The following ACCSL variants were observed in gnomAD, a reference collection of about 807,000 sequenced individuals.
ACCSL encodes the protein 1-aminocyclopropane-1-carboxylate synthase homolog (inactive) like.
In ACCSL, 55 loss-of-function variants were observed where a neutral mutation model predicts 61.7. That is an observed-to-expected ratio of 0.89 (90% CI 0.72 to 1.12). ACCSL has a LOEUF of 1.12. Ranked by LOEUF, ACCSL falls within the 50% of genes most tolerant of loss-of-function variation. The pLI, the probability that ACCSL is intolerant of heterozygous loss-of-function variation, is 0.00. For synonymous variants in ACCSL, 258 were observed against 264.3 expected (o/e 0.98, Z 0.23); for missense variants, 632 against 698.0 (o/e 0.91, Z 1.07).
chr11:44,026,578 C>T, the ACCSL span, among the ~76,000 whole-genome samples: 9 of 152,096 alleles, frequency 5.9e-5, no homozygotes, highest in Admixed American at 5.9e-4. Context: ...TATGTATAGG[C>T]CATACTTTCC....
the ACCSL span, among the ~76,000 whole-genome samples, chr11:44,012,954 G>T: frequency 6.6e-6 from 1 of 152,118 alleles, no homozygotes; most frequent in Non-Finnish European, 1.5e-5. Flanking sequence ...AGAATAATCT[G>T]GTCCTAAATA....
At chr11:44,055,672 C>A (rs948142112) in intron 9 of ACCSL, among the ~76,000 whole-genome samples, 15 of 152,206 alleles carry the variant, frequency 9.9e-5, no homozygotes, top group African/African-American at 3.6e-4. Context: ...AAATGCCTGG[C>A]AGAAGGAATA....
chr11:43,985,548 C>T, the ACCSL span, among the ~76,000 whole-genome samples: 1 of 152,200 alleles, frequency 6.6e-6, no homozygotes, highest in African/African-American at 2.4e-5. Flanking sequence ...CCCCTCTGCC[C>T]TGCCCACCAG....
At chr11:43,957,554 C>G in the ACCSL span, among the ~76,000 whole-genome samples, 52 of 152,216 alleles carry the variant, frequency 3.4e-4, 1 homozygote, top group Non-Finnish European at 6.0e-4. Context: ...TGGAAAAGAC[C>G]TAGGAAGGGA....
the ACCSL span, among the ~76,000 whole-genome samples, chr11:43,929,877 C>G: frequency 6.6e-6 from 1 of 152,116 alleles, no homozygotes. Context: ...GTCTTACAGC[C>G]ATGGAGCAAC....
the ACCSL span, among the ~76,000 whole-genome samples, chr11:44,008,079 T>C: frequency 6.6e-6 from 1 of 152,174 alleles, no homozygotes; most frequent in Non-Finnish European, 1.5e-5. Context: ...ATATCCAGGC[T>C]TCTGTGTCAT....
the ACCSL span, chr11:43,926,396 A>G: frequency 2.7e-6 from 1 of 376,322 alleles, no homozygotes; most frequent in Non-Finnish European, 5.3e-6. Context: ...GCTCAGATGC[A>G]CCCCCACAGG....
chr11:43,970,959 A>G, the ACCSL span, among the ~76,000 whole-genome samples: 2 of 152,228 alleles, frequency 1.3e-5, no homozygotes, highest in African/African-American at 4.8e-5. Flanking sequence ...ACCCTTCTAT[A>G]GAAAGCTGCA....
chr11:44,034,368 C>T, the ACCSL span, among the ~76,000 whole-genome samples: 1 of 152,158 alleles, frequency 6.6e-6, no homozygotes, highest in Non-Finnish European at 1.5e-5. Flanking sequence ...CCAGGAAACC[C>T]CGATGAAGAC....
At chr11:44,023,131 A>G in the ACCSL span, among the ~76,000 whole-genome samples, 1 of 140,516 alleles carries the variant, frequency 7.1e-6, no homozygotes, top group African/African-American at 2.7e-5. Flanking sequence ...ACTGCAGCTC[A>G]CTGCAGACTT....
At chr11:43,964,071 T>A in the ACCSL span, among the ~76,000 whole-genome samples, 1 of 150,574 alleles carries the variant, frequency 6.6e-6, no homozygotes, top group Non-Finnish European at 1.5e-5. Context: ...CTGAAAATAT[T>A]AAAAAAAAAA....
At chr11:44,025,483 A>G in the ACCSL span, among the ~76,000 whole-genome samples, 95 of 152,164 alleles carry the variant, frequency 6.2e-4, no homozygotes, top group Non-Finnish European at 1.0e-3. Context: ...CCTTTCTACT[A>G]TTGTTGGCAT....
At chr11:43,953,994 C>T in the ACCSL span, among the ~76,000 whole-genome samples, 1 of 152,064 alleles carries the variant, frequency 6.6e-6, no homozygotes, top group African/African-American at 2.4e-5. Context: ...GTAACCTGTC[C>T]ACAGCTGTAT....
upstream of ACCSL, among the ~76,000 whole-genome samples, chr11:44,043,849 C>T (rs987784605): frequency 6.6e-6 from 1 of 152,096 alleles, no homozygotes; most frequent in Admixed American, 6.6e-5. Context: ...TGTTTTCCTT[C>T]AAATCTGTTA....
chr11:44,048,306 G>A lies in ACCSL; in HGVS notation c.270G>A (p.Leu90=). 1.2e-6 allele frequency: 2 copies of A among 1,614,122 alleles called. No individual in the cohort carries two copies. Among genetic ancestry groups the A allele is most frequent in the Admixed American group, 1.7e-5 (1 of 60,026 alleles). The change falls in exon 1 of 14, where the codon CTG becomes CTA. Residue 90 remains leucine (L), a synonymous_variant. Coordinates refer to ENST00000378832, the MANE Select transcript of ACCSL (RefSeq NM_001031854.2). The stretch of plus-strand genomic sequence containing the variant: ...TACAGTCTGGGGCCGCGAGTGGCCT[G>A]GAGCTCCAAGTGCCTCTTCCTTCTG... The part of the protein sequence containing the change: ...NLLQSGAASG[L]ELQVPLPSED...
chr11:43,994,382 C>T, the ACCSL span, among the ~76,000 whole-genome samples: 96 of 152,230 alleles, frequency 6.3e-4, no homozygotes, highest in African/African-American at 2.3e-3. Context: ...AAATGGAAGC[C>T]AGCCTCTGAC....
At chr11:43,974,862 A>G in the ACCSL span, among the ~76,000 whole-genome samples, 1 of 152,208 alleles carries the variant, frequency 6.6e-6, no homozygotes, top group Non-Finnish European at 1.5e-5. Context: ...TTGCAATCTC[A>G]TTTGAGACTC....
At chr11:43,966,427 A>AAC in the ACCSL span, among the ~76,000 whole-genome samples, 3 of 93,948 alleles carry the variant, frequency 3.2e-5, no homozygotes, top group Non-Finnish European at 6.9e-5. Context: ...CTCTGTCTCA[A>AAC]AAAAAAAAAA....
At chr11:44,059,731 C>T (rs1952695935) in intron 13 of ACCSL, 107 bp from the exon 14 acceptor site, 1 of 820,660 alleles carries the variant, frequency 1.2e-6, no homozygotes, top group African/African-American at 1.7e-5. Flanking sequence ...AGTTCAGGAT[C>T]CCTGAATGAG....
Sources: gnomAD v4.1 joint callset for allele counts (sites outside exome capture counted in the v4.1 genomes callset) on GRCh38, gnomAD v4.1.1 for gene constraint, MANE v1.5 for transcripts, NCBI Gene and HGNC (gene_info 2026-07-23, HGNC 2026-07-21) for gene names.